The following MNAT1 variants were observed in gnomAD, a reference collection of about 807,000 sequenced individuals.
MNAT1 encodes MNAT1 component of CDK activating kinase, also known as CDK-activating kinase assembly factor MAT1.
A neutral mutation model predicts 42.0 loss-of-function variants in MNAT1; 43 were observed. The observed-to-expected ratio is 1.02, with a 90% CI of 0.80 to 1.32. MNAT1 has a LOEUF of 1.32. Among genes scored for constraint, MNAT1 ranks in the 40% most tolerant of loss-of-function variants. MNAT1 has a pLI of 0.00. For synonymous variants in MNAT1, 118 were observed against 120.0 expected (o/e 0.98, Z 0.11); for missense variants, 306 against 350.4 (o/e 0.87, Z 1.01).
intron 7 of MNAT1, among the ~76,000 whole-genome samples, chr14:60,965,527 C>T (rs1466584353): frequency 6.6e-6 from 1 of 152,174 alleles, no homozygotes; most frequent in Non-Finnish European, 1.5e-5. Context: ...AAGCTGTATG[C>T]ACACTGCAAG....
At chr14:60,806,587 T>G (rs2032375327) in intron 3 of MNAT1, among the ~76,000 whole-genome samples, 1 of 152,232 alleles carries the variant, frequency 6.6e-6, no homozygotes, top group East Asian at 1.9e-4. Flanking sequence ...CCCAGCACTT[T>G]GGGAGGCCAA....
rs200645295 is a variant in MNAT1, at chr14:60,769,650, T to TA, written c.90-26557dup. Among the ~76,000 whole-genome samples the TA allele has an allele frequency of 3.1e-4, 47 of 150,352 alleles. No homozygotes were observed. In the East Asian group the frequency reaches 5.6e-3, roughly 18 times the overall value. On this transcript the variant is annotated intron_variant, in intron 1 of 7. Transcript: ENST00000261245. ...TTACCATTTTAACTGCTTTAAAAAT[T>TA]AAAAAAAAAATTTGTTTTTTTTAGA...
At chr14:60,801,562 G>C (rs767992482) in intron 3 of MNAT1, among the ~76,000 whole-genome samples, 3 of 152,122 alleles carry the variant, frequency 2.0e-5, no homozygotes, top group African/African-American at 7.2e-5. Context: ...GAAGACATAC[G>C]TATGGTATAT....
intron 1 of MNAT1, among the ~76,000 whole-genome samples, chr14:60,749,108 T>C (rs548390305): frequency 1.1e-4 from 17 of 152,292 alleles, no homozygotes; most frequent in African/African-American, 3.4e-4. Flanking sequence ...AAAATGTCCT[T>C]GTGTAGTGCA....
At chr14:60,784,671 G>A (rs2031586328) in intron 1 of MNAT1, among the ~76,000 whole-genome samples, 2 of 151,784 alleles carry the variant, frequency 1.3e-5, no homozygotes, top group Admixed American at 6.6e-5. Flanking sequence ...CTACATGTTG[G>A]CCAGGCTAGT....
intron 7 of MNAT1, among the ~76,000 whole-genome samples, chr14:60,909,846 T>A (rs1422742046): frequency 6.6e-6 from 1 of 151,988 alleles, no homozygotes; most frequent in Admixed American, 6.6e-5. Flanking sequence ...AGTAGTTTTT[T>A]CCAATTCTGT....
At chr14:60,801,488 C>T (rs2032199815) in intron 3 of MNAT1, among the ~76,000 whole-genome samples, 1 of 152,134 alleles carries the variant, frequency 6.6e-6, no homozygotes, top group South Asian at 2.1e-4. Flanking sequence ...AGGAAGTCAA[C>T]TCAGTAGCAA....
At chr14:60,877,501 C>T (rs549612733) in intron 6 of MNAT1, among the ~76,000 whole-genome samples, 9 of 152,000 alleles carry the variant, frequency 5.9e-5, no homozygotes, top group South Asian at 2.1e-4. Flanking sequence ...ATAATGTGTA[C>T]TGTGCATCCA....
At chr14:60,849,786 A>ATT (rs2033774754) in intron 6 of MNAT1, among the ~76,000 whole-genome samples, 1 of 151,924 alleles carries the variant, frequency 6.6e-6, no homozygotes, top group South Asian at 2.1e-4. Context: ...TGAACAAATA[A>ATT]TTTTTTCTTC....
At chr14:60,927,959 A>T (rs2035799500) in intron 7 of MNAT1, among the ~76,000 whole-genome samples, 2 of 152,192 alleles carry the variant, frequency 1.3e-5, no homozygotes, top group South Asian at 4.1e-4. Flanking sequence ...TTTTGTACCA[A>T]ACCTGACTAC....
chr14:60,840,296 G>C (rs1297021408), intron 6 of MNAT1, among the ~76,000 whole-genome samples: 1 of 152,216 alleles, frequency 6.6e-6, no homozygotes, highest in Admixed American at 6.5e-5. Context: ...GAGACTAAGA[G>C]AGTCATCAGA....
chr14:60,967,545 GT>G lies in MNAT1; in HGVS notation c.810-681del, dbSNP rs373325400. ...TGTCTATTTTTGTCAAGATATAAAT[GT>G]TTAATTGCTTTAAAAAAACTGTGTG... is the stretch of plus-strand genomic sequence containing the variant. On this transcript the variant is annotated intron_variant, in intron 7 of 7. Coordinates refer to ENST00000261245, the MANE Select transcript of MNAT1 (RefSeq NM_002431.4). Among the ~76,000 whole-genome samples, 28 of 152,114 alleles carry G rather than the reference GT, an allele frequency of 1.8e-4. No homozygotes were observed. In the East Asian group the frequency reaches 5.2e-3, roughly 28 times the overall value.
At chr14:60,885,826 A>G (rs942603279) in intron 7 of MNAT1, among the ~76,000 whole-genome samples, 24 of 152,002 alleles carry the variant, frequency 1.6e-4, no homozygotes, top group Admixed American at 1.3e-4. Context: ...TCTTATCCAG[A>G]AAACCATTGC....
At chr14:60,843,745 ACTTTTT>A (rs1370614694) in intron 6 of MNAT1, among the ~76,000 whole-genome samples, 2 of 152,082 alleles carry the variant, frequency 1.3e-5, no homozygotes, top group South Asian at 2.1e-4. Flanking sequence ...TCTGTGGCTC[ACTTTTT>A]CTTTTTCTTA....
chr14:60,862,644 A>G (rs2034122938), intron 6 of MNAT1, among the ~76,000 whole-genome samples: 1 of 152,236 alleles, frequency 6.6e-6, no homozygotes, highest in Admixed American at 6.5e-5. Context: ...GGTAGATCAT[A>G]GAGTTACTTG....
chr14:60,845,087 A>G (rs1400802974), intron 6 of MNAT1, among the ~76,000 whole-genome samples: 2 of 151,974 alleles, frequency 1.3e-5, no homozygotes, highest in African/African-American at 2.4e-5. Flanking sequence ...GCTTTGGAGT[A>G]ATATAATGTT....
At chr14:60,835,997 C>T (rs1566787358) in intron 6 of MNAT1, among the ~76,000 whole-genome samples, 1 of 152,098 alleles carries the variant, frequency 6.6e-6, no homozygotes, top group Non-Finnish European at 1.5e-5. Context: ...TCTTCTATCT[C>T]TGATATCCTT....
intron 6 of MNAT1, among the ~76,000 whole-genome samples, chr14:60,852,805 C>T (rs2033857312): frequency 6.6e-6 from 1 of 152,148 alleles, no homozygotes; most frequent in Non-Finnish European, 1.5e-5. Flanking sequence ...AATAGGGAAT[C>T]CTTTCCCCAT....
chr14:60,803,137 A>C (rs536035633), intron 3 of MNAT1, among the ~76,000 whole-genome samples: 1 of 151,690 alleles, frequency 6.6e-6, no homozygotes, highest in Non-Finnish European at 1.5e-5. Context: ...GGATTTCACC[A>C]TCTTGGCCAG....
Sources: allele counts gnomAD v4.1 joint callset (sites outside exome capture counted in the v4.1 genomes callset), GRCh38; gene constraint gnomAD v4.1.1; transcripts MANE v1.5; gene names NCBI Gene and HGNC (gene_info 2026-07-23, HGNC 2026-07-21).